The following ITCH variants were observed in gnomAD, a reference collection of about 807,000 sequenced individuals.
ITCH encodes E3 ubiquitin-protein ligase Itchy homolog.
A neutral mutation model predicts 126.8 loss-of-function variants in ITCH; 28 were observed. The observed-to-expected ratio is 0.22, with a 90% CI of 0.16 to 0.30. The LOEUF is 0.30. Among genes scored for constraint, ITCH ranks in the 10% least tolerant of loss-of-function variants. The probability of loss-of-function intolerance (pLI) is 1.00; values close to 1 mark genes in which losing one functional copy is unlikely to be tolerated. For missense variants in ITCH, 631 were observed against 1,032.4 expected (o/e 0.61, Z 5.33); for synonymous variants, 342 against 340.0 (o/e 1.01, Z -0.06).
In ITCH at chr20:34,414,646, T is replaced by C. The variant is rs139519359; in HGVS notation, c.475+767T>C. ...CACGCCCAGCTAATTTTGTGGGGTT[T>C]TTTTGTTTGTTTTAGTAGAGATGGG... On this transcript the variant is annotated intron_variant, in intron 6 of 24. Coordinates refer to ENST00000374864, the MANE Select transcript of ITCH (RefSeq NM_031483.7). Among the ~76,000 whole-genome samples, 1,403 of 152,054 alleles carry C rather than the reference T, an allele frequency of 9.2e-3. 10 individuals are homozygous for C. The highest frequency in any genetic ancestry group is 0.015 in the Non-Finnish European group (1,019 of 67,960).
chr20:34,363,530 C>G lies in ITCH; in HGVS notation c.-99+181C>G, dbSNP rs567355783. 4.7e-3 allele frequency among the ~76,000 whole-genome samples: 711 copies of G among 152,138 alleles called. 5 individuals carry two copies. The highest frequency in any genetic ancestry group is 0.016 in the African/African-American group (673 of 41,536). ...GCGCGGGGAGCTCGGGCTACTGGCC[C>G]GGGCCGGGCGGTGGGGGTGGGCTGT... On this transcript the variant is annotated intron_variant, in intron 1 of 24. Coordinates refer to ENST00000374864, the MANE Select transcript of ITCH (RefSeq NM_031483.7).
At chr20:34,386,514 C>A (rs2038289547) in intron 2 of ITCH, among the ~76,000 whole-genome samples, 1 of 152,132 alleles carries the variant, frequency 6.6e-6, no homozygotes, top group Non-Finnish European at 1.5e-5. Context: ...GGGTTTAGTT[C>A]TCTGAATACC....
At chr20:34,429,606 CAGAT>C (rs1236086334) in intron 7 of ITCH, among the ~76,000 whole-genome samples, 1 of 152,082 alleles carries the variant, frequency 6.6e-6, no homozygotes, top group Non-Finnish European at 1.5e-5. Context: ...GAAATAATAA[CAGAT>C]AGTAAAAACA....
At chr20:34,435,690 A>C (rs928223331) in intron 7 of ITCH, among the ~76,000 whole-genome samples, 6 of 152,166 alleles carry the variant, frequency 3.9e-5, no homozygotes, top group Non-Finnish European at 8.8e-5. Context: ...TGTTGGTCTG[A>C]GAGAATAGTA....
intron 3 of ITCH, among the ~76,000 whole-genome samples, chr20:34,405,009 C>T (rs749356425): frequency 3.3e-5 from 5 of 151,800 alleles, no homozygotes; most frequent in African/African-American, 4.8e-5. Context: ...TGTGGTGGCA[C>T]GCACCTGTAG....
In ITCH at chr20:34,433,656, C is replaced by CAA. The variant is rs1158804192; in HGVS notation, c.522-4803_522-4802dup. ...TGGGCAACAGAGTGAAACAATGTCT[C>CAA]AAAAAAAAAAAAAAAACCCAAAAAG... On this transcript the variant is annotated intron_variant, in intron 7 of 24. Coordinates refer to ENST00000374864, the MANE Select transcript of ITCH (RefSeq NM_031483.7). Among the ~76,000 whole-genome samples, 1,038 of 115,202 alleles carry CAA rather than the reference C, an allele frequency of 9.0e-3. 5 individuals are homozygous for CAA. The highest frequency in any genetic ancestry group is 0.022 in the Middle Eastern group (5 of 226). 75.6% of individuals were successfully genotyped at this position (115,202 alleles called of 152,430 possible).
intron 6 of ITCH, chr20:34,417,271 T>G: frequency 2.0e-6 from 1 of 506,658 alleles, no homozygotes; most frequent in South Asian, 2.1e-5. Context: ...TAATTTTGTA[T>G]TTTTTAGTAG....
intron 9 of ITCH, 21 bp from the exon 10 acceptor site, chr20:34,442,187 C>T (rs752064723): frequency 2.5e-6 from 4 of 1,576,108 alleles, no homozygotes; most frequent in Non-Finnish European, 2.6e-6. Flanking sequence ...ATTTTACCAG[C>T]CTTTTAATTT....
At chr20:34,419,085 T>G (rs1257430012) in intron 6 of ITCH, among the ~76,000 whole-genome samples, 1 of 152,164 alleles carries the variant, frequency 6.6e-6, no homozygotes, top group Non-Finnish European at 1.5e-5. Context: ...TCAACATGTA[T>G]GTTATGTTTT....
At chr20:34,364,102 CA>C (rs1464990561) in intron 1 of ITCH, among the ~76,000 whole-genome samples, 1 of 152,102 alleles carries the variant, frequency 6.6e-6, no homozygotes, top group Non-Finnish European at 1.5e-5. Flanking sequence ...TCAAGTTTTC[CA>C]AGACAGTTCC....
rs779017298 is a variant in ITCH, at chr20:34,372,384, C to CTTTTTTTTTTTTTTTT, written c.-22+2928_-22+2929insTTTTTTTTTTTTTTTT. 8.5e-3 allele frequency among the ~76,000 whole-genome samples: 789 copies of CTTTTTTTTTTTTTTTT among 93,046 alleles called. 117 individuals are homozygous for CTTTTTTTTTTTTTTTT. Among genetic ancestry groups the CTTTTTTTTTTTTTTTT allele is most frequent in the African/African-American group, 0.019 (398 of 21,474 alleles). The allele number at this position is 93,046 out of a possible 152,430, so 61.0% of individuals were successfully genotyped here. ...AGAAACCATGTTATTTTAAGTTCTACTTTTTTTTTTTTTTGAGAGGGAATC... is the reference window on the plus strand; with the variant it reads ...AGAAACCATGTTATTTTAAGTTCTACTTTTTTTTTTTTTTTTTTTTTTTTTTTTTTGAGAGGGAATC... On this transcript the variant is annotated intron_variant, in intron 2 of 24. Transcript: ENST00000374864.
At chr20:34,365,570 A>C (rs142846693) in intron 1 of ITCH, among the ~76,000 whole-genome samples, 1 of 151,582 alleles carries the variant, frequency 6.6e-6, no homozygotes, top group African/African-American at 2.4e-5. Flanking sequence ...GCGTGCCACC[A>C]CTCCCGGTAA....
chr20:34,469,900 A>G (rs1987456782), intron 14 of ITCH, 148 bp from the exon 15 acceptor site: 1 of 720,360 alleles, frequency 1.4e-6, no homozygotes, highest in Non-Finnish European at 2.6e-6. Context: ...AATATCTCTC[A>G]AAAAGCAAAG....
intron 23 of ITCH, among the ~76,000 whole-genome samples, chr20:34,498,843 C>T (rs1242759646): frequency 1.3e-5 from 2 of 151,782 alleles, no homozygotes; most frequent in Admixed American, 6.6e-5. Context: ...TAACGCTGGC[C>T]TTGTAGAATG....
At chr20:34,443,218 A>G (rs1983991625) in intron 10 of ITCH, among the ~76,000 whole-genome samples, 1 of 151,946 alleles carries the variant, frequency 6.6e-6, no homozygotes, top group Non-Finnish European at 1.5e-5. Context: ...TAACATTAAC[A>G]TTAACATTAC....
At chr20:34,366,883 T>C (rs1271425065) in intron 1 of ITCH, among the ~76,000 whole-genome samples, 1 of 152,122 alleles carries the variant, frequency 6.6e-6, no homozygotes, top group Non-Finnish European at 1.5e-5. Context: ...ATTGCAGAAG[T>C]CTAGTTGAGA....
At chr20:34,381,503 C>T (rs1166600800) in intron 2 of ITCH, among the ~76,000 whole-genome samples, 2 of 151,768 alleles carry the variant, frequency 1.3e-5, no homozygotes, top group African/African-American at 4.8e-5. Context: ...CTCTGCTCAC[C>T]GCAACCTCCG....
At chr20:34,474,501 A>C (rs1487207549) in intron 16 of ITCH, among the ~76,000 whole-genome samples, 9 of 152,236 alleles carry the variant, frequency 5.9e-5, no homozygotes, top group African/African-American at 2.2e-4. Flanking sequence ...GATCAACAGG[A>C]TCCCAAGGCA....
intron 16 of ITCH, among the ~76,000 whole-genome samples, chr20:34,474,705 T>G (rs528660310): frequency 5.9e-5 from 9 of 151,946 alleles, no homozygotes; most frequent in East Asian, 1.9e-4. Context: ...GGTGGTGGCC[T>G]GGCAGAGGGG....
Sources: allele counts gnomAD v4.1 joint callset (sites outside exome capture counted in the v4.1 genomes callset), GRCh38; gene constraint gnomAD v4.1.1; transcripts MANE v1.5; gene names NCBI Gene and HGNC (gene_info 2026-07-23, HGNC 2026-07-21).